The following FLRT1 variants were observed in gnomAD, a reference collection of about 807,000 sequenced individuals.
FLRT1 encodes fibronectin leucine rich transmembrane protein 1.
Under a neutral mutation model 30.9 loss-of-function variants are expected in FLRT1, and 14 were observed. That is an observed-to-expected ratio of 0.45 (90% CI 0.30 to 0.71). The LOEUF is 0.71. Ranked by LOEUF, FLRT1 falls within the 30% of genes least tolerant of loss-of-function variation. The pLI is 0.08. For missense variants in FLRT1, 737 were observed against 949.2 expected (o/e 0.78, Z 2.94); for synonymous variants, 368 against 430.4 (o/e 0.85, Z 1.80).
At position 64,093,404 on chromosome 11, in the gene FLRT1, T is replaced by C. The variant is rs561414621; in HGVS notation, c.-1037-9790T>C. On this transcript the variant is annotated intron_variant, in intron 1 of 2. Coordinates refer to ENST00000682287, the MANE Select transcript of FLRT1 (RefSeq NM_013280.5). Reference sequence around the variant, plus strand: ...ACTCCCCGGTGGAGAGGGCAAGGGCTGAGTGAGCCGGGAAGCCAGGCCTCC... The same window carrying C: ...ACTCCCCGGTGGAGAGGGCAAGGGCCGAGTGAGCCGGGAAGCCAGGCCTCC... Among the ~76,000 whole-genome samples, 348 of 152,364 alleles carry C rather than the reference T, an allele frequency of 2.3e-3. 3 individuals carry two copies. Among genetic ancestry groups the C allele is most frequent in the Non-Finnish European group, 4.0e-3 (273 of 68,022 alleles).
chr11:64,039,421 G>A (rs503133), intron 1 of FLRT1, among the ~76,000 whole-genome samples: 12 of 152,106 alleles, frequency 7.9e-5, no homozygotes, highest in South Asian at 2.1e-4. Flanking sequence ...GGGTGGTAGC[G>A]GGGGGTCCCT....
At chr11:64,063,408 A>C (rs1451237516) in intron 1 of FLRT1, among the ~76,000 whole-genome samples, 2 of 152,152 alleles carry the variant, frequency 1.3e-5, no homozygotes, top group Non-Finnish European at 2.9e-5. Context: ...AGGGAAGCCC[A>C]AGGAGCGATG....
chr11:64,114,520 G>T (rs950929441), intron 2 of FLRT1, among the ~76,000 whole-genome samples: 1 of 148,010 alleles, frequency 6.8e-6, no homozygotes, highest in Non-Finnish European at 1.5e-5. Context: ...TGGATGGATG[G>T]ATGGACAGGT....
chr11:64,050,588 A>G (rs1044416090), intron 1 of FLRT1, among the ~76,000 whole-genome samples: 1 of 152,196 alleles, frequency 6.6e-6, no homozygotes, highest in African/African-American at 2.4e-5. Context: ...GGCCTGGCAC[A>G]CAGTGAGGGC....
intron 1 of FLRT1, among the ~76,000 whole-genome samples, chr11:64,079,853 C>G: frequency 6.6e-6 from 1 of 152,146 alleles, no homozygotes; most frequent in South Asian, 2.1e-4. Context: ...GAGCCAGCAA[C>G]AGCTCCAGAG....
intron 1 of FLRT1, among the ~76,000 whole-genome samples, chr11:64,102,022 G>A (rs1303934913): frequency 6.6e-6 from 1 of 152,132 alleles, no homozygotes; most frequent in Non-Finnish European, 1.5e-5. Flanking sequence ...ATTAAAACAT[G>A]AACCCTAATA....
chr11:64,104,651 C>A (rs1944726888), intron 2 of FLRT1, among the ~76,000 whole-genome samples: 1 of 152,006 alleles, frequency 6.6e-6, no homozygotes, highest in South Asian at 2.1e-4. Flanking sequence ...CAGGGCCCGC[C>A]CCTGTTCTGG....
intron 1 of FLRT1, among the ~76,000 whole-genome samples, chr11:64,063,355 C>T (rs1227957863): frequency 4.6e-5 from 7 of 152,148 alleles, no homozygotes; most frequent in Non-Finnish European, 1.5e-5. Flanking sequence ...AGGTGCCACA[C>T]ACGTGTCAAC....
chr11:64,039,615 C>A (rs1485530448), intron 1 of FLRT1, among the ~76,000 whole-genome samples: 1 of 152,182 alleles, frequency 6.6e-6, no homozygotes, highest in African/African-American at 2.4e-5. Flanking sequence ...CCCTCCTCCC[C>A]CCGGACAGCC....
At chr11:64,084,686 G>T (rs1944362696) in intron 1 of FLRT1, among the ~76,000 whole-genome samples, 1 of 152,240 alleles carries the variant, frequency 6.6e-6, no homozygotes, top group African/African-American at 2.4e-5. Context: ...GGGCCAGTCA[G>T]GAGGGAGCAG....
chr11:64,069,892 C>T (rs776906699), intron 1 of FLRT1, among the ~76,000 whole-genome samples: 1 of 152,138 alleles, frequency 6.6e-6, no homozygotes, highest in Non-Finnish European at 1.5e-5. Flanking sequence ...TTATCTTGGG[C>T]GCCCCTCCCA....
At chr11:64,093,457 T>C (rs1390495690) in intron 1 of FLRT1, among the ~76,000 whole-genome samples, 2 of 152,256 alleles carry the variant, frequency 1.3e-5, no homozygotes, top group African/African-American at 4.8e-5. Context: ...CTGCCTGGCA[T>C]CTCTGCCAGT....
intron 1 of FLRT1, among the ~76,000 whole-genome samples, chr11:64,053,653 G>A (rs1413308263): frequency 1.3e-5 from 2 of 152,190 alleles, no homozygotes; most frequent in African/African-American, 4.8e-5. Context: ...CTGGCTCAGC[G>A]GGGTCCTCAG....
intron 1 of FLRT1, among the ~76,000 whole-genome samples, chr11:64,041,508 A>T (rs921373970): frequency 6.7e-6 from 1 of 149,962 alleles, no homozygotes; most frequent in Non-Finnish European, 1.5e-5. Context: ...GCTGCTCTGG[A>T]GGGTGTGTTG....
chr11:64,066,858 AG>A (rs2134452120), intron 1 of FLRT1, among the ~76,000 whole-genome samples: 1 of 152,336 alleles, frequency 6.6e-6, no homozygotes, highest in East Asian at 1.9e-4. Flanking sequence ...CAGATGGCCA[AG>A]GTCAGGCTGC....
At chr11:64,037,270 G>C (rs532392651) in intron 1 of FLRT1, among the ~76,000 whole-genome samples, 2 of 152,106 alleles carry the variant, frequency 1.3e-5, no homozygotes, top group African/African-American at 2.4e-5. Context: ...GGCTGTCTGT[G>C]GGGGGGACCC....
intron 1 of FLRT1, among the ~76,000 whole-genome samples, chr11:64,089,860 T>C (rs1438894904): frequency 6.6e-6 from 1 of 152,118 alleles, no homozygotes; most frequent in African/African-American, 2.4e-5. Context: ...AGGAGGATGA[T>C]GGTGCTGGAG....
At chr11:64,042,366 A>G (rs1465438974) in intron 1 of FLRT1, among the ~76,000 whole-genome samples, 1 of 152,028 alleles carries the variant, frequency 6.6e-6, no homozygotes, top group Admixed American at 6.5e-5. Context: ...TCCTGCCCCC[A>G]GACAGTGGCC....
At chr11:64,092,969 C>T (rs1030887919) in intron 1 of FLRT1, among the ~76,000 whole-genome samples, 6 of 152,210 alleles carry the variant, frequency 3.9e-5, no homozygotes, top group East Asian at 3.8e-4. Context: ...AGAGGGAGTT[C>T]GGCTTGCAGC....
Sources: allele counts gnomAD v4.1 joint callset (sites outside exome capture counted in the v4.1 genomes callset), GRCh38; gene constraint gnomAD v4.1.1; transcripts MANE v1.5; gene names NCBI Gene and HGNC (gene_info 2026-07-23, HGNC 2026-07-21).